Variants in KCNH1 observed in about 807,000 individuals in gnomAD.
The protein encoded by KCNH1 is potassium voltage-gated channel subfamily H member 1, also known as voltage-gated delayed rectifier potassium channel KCNH1.
In KCNH1, 27 loss-of-function variants were observed where a neutral mutation model predicts 69.2. That is an observed-to-expected ratio of 0.39 (90% CI 0.29 to 0.54). The LOEUF (loss-of-function observed/expected upper bound fraction) is 0.54, where lower values mean the gene tolerates loss of function less well. KCNH1 is among the 20% of genes least tolerant of loss of function. The pLI is 0.68. For synonymous variants in KCNH1, 456 were observed against 487.7 expected (o/e 0.93, Z 0.86); for missense variants, 798 against 1,261.6 (o/e 0.63, Z 5.57).
At chr1:211,099,665 A>G (rs1323229420) in intron 3 of KCNH1, among the ~76,000 whole-genome samples, 1 of 152,100 alleles carries the variant, frequency 6.6e-6, no homozygotes, top group East Asian at 1.9e-4. Context: ...CTTGGTAAAT[A>G]TCAGGTTCCT....
chr1:210,813,073 C>T (rs1684740104), intron 7 of KCNH1, among the ~76,000 whole-genome samples: 1 of 152,166 alleles, frequency 6.6e-6, no homozygotes, highest in Admixed American at 6.5e-5. Context: ...TGTGAAATAT[C>T]CAGAATACTG....
intron 6 of KCNH1, among the ~76,000 whole-genome samples, chr1:210,921,105 G>A (rs1687450735): frequency 6.6e-6 from 1 of 152,216 alleles, no homozygotes; most frequent in Non-Finnish European, 1.5e-5. Context: ...TCTAGACAAT[G>A]AGAGGTGGAT....
At chr1:210,923,168 T>C (rs1229806561) in intron 6 of KCNH1, among the ~76,000 whole-genome samples, 1 of 152,176 alleles carries the variant, frequency 6.6e-6, no homozygotes, top group African/African-American at 2.4e-5. Flanking sequence ...ATAATAATAG[T>C]GAGAGATACA....
At chr1:211,060,136 C>T (rs892416481) in intron 5 of KCNH1, among the ~76,000 whole-genome samples, 1 of 151,506 alleles carries the variant, frequency 6.6e-6, no homozygotes, top group African/African-American at 2.4e-5. Flanking sequence ...AAATGATCAG[C>T]GGGTCAATGA....
intron 7 of KCNH1, among the ~76,000 whole-genome samples, chr1:210,825,023 A>G (rs981161892): frequency 2.0e-5 from 3 of 152,204 alleles, no homozygotes; most frequent in Non-Finnish European, 4.4e-5. Flanking sequence ...GTGGCAGATA[A>G]CAGTTTTTCA....
intron 7 of KCNH1, among the ~76,000 whole-genome samples, chr1:210,897,769 G>C (rs1686902557): frequency 6.6e-6 from 1 of 152,184 alleles, no homozygotes; most frequent in South Asian, 2.1e-4. Context: ...CCAACCTTCG[G>C]ACAGCTTCTT....
intron 7 of KCNH1, among the ~76,000 whole-genome samples, chr1:210,893,791 T>G (rs1686800726): frequency 1.3e-5 from 2 of 152,102 alleles, no homozygotes; most frequent in Non-Finnish European, 2.9e-5. Flanking sequence ...CTTAAATTCT[T>G]TTCTCTCTAT....
intron 6 of KCNH1, among the ~76,000 whole-genome samples, chr1:210,952,897 A>T (rs1399116121): frequency 6.6e-6 from 1 of 152,226 alleles, no homozygotes; most frequent in African/African-American, 2.4e-5. Context: ...CATATGCAGT[A>T]GCTTCAACCA....
intron 7 of KCNH1, among the ~76,000 whole-genome samples, chr1:210,826,295 T>C (rs1280120560): frequency 2.6e-5 from 4 of 152,222 alleles, no homozygotes; most frequent in Non-Finnish European, 5.9e-5. Context: ...TCTGAGCTTC[T>C]TTCTACTTGC....
chr1:211,085,105 A>G (rs1419219743), intron 4 of KCNH1, among the ~76,000 whole-genome samples: 1 of 152,222 alleles, frequency 6.6e-6, no homozygotes, highest in Non-Finnish European at 1.5e-5. Context: ...AGTTTTGAAC[A>G]ATGAGTAAGA....
chr1:210,998,483 C>T (rs1249235002), intron 6 of KCNH1, among the ~76,000 whole-genome samples: 2 of 152,278 alleles, frequency 1.3e-5, no homozygotes, highest in South Asian at 4.1e-4. Flanking sequence ...ATATATGCAT[C>T]CAACACAGGA....
chr1:210,829,418 T>C (rs150616433), intron 7 of KCNH1, among the ~76,000 whole-genome samples: 1 of 152,258 alleles, frequency 6.6e-6, no homozygotes, highest in African/African-American at 2.4e-5. Context: ...CCTTTTCATG[T>C]GCCCCCCTAC....
chr1:210,776,948 G>A (rs1307892015), intron 9 of KCNH1, among the ~76,000 whole-genome samples: 1 of 152,110 alleles, frequency 6.6e-6, no homozygotes, highest in Non-Finnish European at 1.5e-5. Context: ...TGTTTATCTT[G>A]CCTCTAAATT....
intron 6 of KCNH1, among the ~76,000 whole-genome samples, chr1:210,945,847 T>C (rs1423907464): frequency 6.6e-6 from 1 of 152,186 alleles, no homozygotes; most frequent in Non-Finnish European, 1.5e-5. Context: ...CAAAAAGGAC[T>C]TCCCTCACAC....
intron 7 of KCNH1, among the ~76,000 whole-genome samples, chr1:210,842,499 G>A (rs919521992): frequency 5.9e-5 from 9 of 152,146 alleles, no homozygotes; most frequent in African/African-American, 2.2e-4. Flanking sequence ...CATGTTAGCG[G>A]AATTTAAATT....
At chr1:210,937,947 T>A (rs534854729) in intron 6 of KCNH1, among the ~76,000 whole-genome samples, 49 of 152,338 alleles carry the variant, frequency 3.2e-4, no homozygotes, top group African/African-American at 1.2e-3. Context: ...TTTATGTGGC[T>A]TTAACCACCA....
chr1:210,920,656 A>G (rs1214544311), intron 6 of KCNH1, among the ~76,000 whole-genome samples: 1 of 139,394 alleles, frequency 7.2e-6, no homozygotes, highest in Non-Finnish European at 1.6e-5. Flanking sequence ...TTACTTTTAT[A>G]ATTAAAAAAA....
rs141195145 is a variant in KCNH1, at chr1:211,024,086, C to T, written c.559-4830G>A. 1.6e-3 allele frequency among the ~76,000 whole-genome samples: 238 copies of T among 152,190 alleles called. 3 individuals are homozygous for T. Among genetic ancestry groups the T allele is most frequent in the East Asian group, 0.014 (72 of 5,178 alleles). ...TATATAATTATGTATCAATTAAAAA[C>T]GTTTAAATATATTTATTGCTCTATG... On this transcript the variant is annotated intron_variant, in intron 5 of 10. Transcript: ENST00000271751.
intron 5 of KCNH1, among the ~76,000 whole-genome samples, chr1:211,029,389 G>A (rs1689742209): frequency 7.3e-6 from 1 of 136,244 alleles, no homozygotes; most frequent in Non-Finnish European, 1.6e-5. Context: ...GTGCAAGGCT[G>A]GCTCAATATT....
Sources: allele counts gnomAD v4.1 joint callset (sites outside exome capture counted in the v4.1 genomes callset), GRCh38; gene constraint gnomAD v4.1.1; transcripts MANE v1.5; gene names NCBI Gene and HGNC (gene_info 2026-07-23, HGNC 2026-07-21).